The following PAK5 variants were observed in gnomAD, a reference collection of about 807,000 sequenced individuals.
PAK5 encodes serine/threonine-protein kinase PAK 5.
Under a neutral mutation model 65.9 loss-of-function variants are expected in PAK5, and 16 were observed. The observed-to-expected ratio is 0.24, with a 90% CI of 0.16 to 0.37. The LOEUF (loss-of-function observed/expected upper bound fraction) is 0.37, where lower values mean the gene tolerates loss of function less well. Ranked by LOEUF, PAK5 falls within the 10% of genes least tolerant of loss-of-function variation. The pLI is 1.00. For synonymous variants in PAK5, 371 were observed against 354.9 expected (o/e 1.05, Z -0.51); for missense variants, 785 against 903.9 (o/e 0.87, Z 1.69).
chr20:9,677,002 G>C (rs530134991), intron 2 of PAK5, among the ~76,000 whole-genome samples: 5 of 150,976 alleles, frequency 3.3e-5, no homozygotes, highest in Non-Finnish European at 5.9e-5. Flanking sequence ...AAATAAATAT[G>C]TTTTCCTGAA....
At chr20:9,671,570 CTGTT>C (rs1185337557) in intron 2 of PAK5, among the ~76,000 whole-genome samples, 1 of 151,686 alleles carries the variant, frequency 6.6e-6, no homozygotes, top group South Asian at 2.1e-4. Context: ...ATTTGGCTCT[CTGTT>C]TGTCTGTTAT....
At chr20:9,685,855 C>G (rs1048933430) in intron 2 of PAK5, among the ~76,000 whole-genome samples, 9 of 152,170 alleles carry the variant, frequency 5.9e-5, no homozygotes, top group African/African-American at 2.2e-4. Flanking sequence ...CAATGACACC[C>G]TCTGTGTTAT....
At chr20:9,540,731 T>TA in intron 9 of PAK5, among the ~76,000 whole-genome samples, 1 of 151,806 alleles carries the variant, frequency 6.6e-6, no homozygotes, top group African/African-American at 2.4e-5. Context: ...GATACATTTT[T>TA]AGTCACTTTT....
intron 2 of PAK5, among the ~76,000 whole-genome samples, chr20:9,671,408 A>G (rs1431721848): frequency 6.6e-6 from 1 of 152,146 alleles, no homozygotes; most frequent in Non-Finnish European, 1.5e-5. Context: ...ACCCATGAGC[A>G]TAGAATGTTC....
intron 1 of PAK5, among the ~76,000 whole-genome samples, chr20:9,716,201 T>C (rs1484859368): frequency 1.3e-5 from 1 of 79,054 alleles, no homozygotes; most frequent in Non-Finnish European, 2.7e-5. Flanking sequence ...CTATTATTGC[T>C]AGGATCACTA....
rs565419960 is a variant in PAK5, at chr20:9,725,725, C to G, written c.-161-14290G>C. Reference sequence around the variant, plus strand: ...GAACACAAACTCGTCGTAGTCAGAACAAGGAAGACATTGATGAGCAACTGG... The same window carrying G: ...GAACACAAACTCGTCGTAGTCAGAAGAAGGAAGACATTGATGAGCAACTGG... On this transcript the variant is annotated intron_variant, in intron 1 of 9. Coordinates refer to ENST00000353224, the MANE Select transcript of PAK5 (RefSeq NM_177990.4). Among the ~76,000 whole-genome samples the G allele has an allele frequency of 3.3e-5, 5 of 152,134 alleles. No individual in the cohort carries two copies. In the South Asian group the frequency reaches 1.0e-3, roughly 32 times the overall value.
At chr20:9,812,826 T>C (rs1355962925) in intron 1 of PAK5, among the ~76,000 whole-genome samples, 1 of 152,168 alleles carries the variant, frequency 6.6e-6, no homozygotes, top group Non-Finnish European at 1.5e-5. Flanking sequence ...GGAATGTTCC[T>C]AATGTAAAGA....
At chr20:9,542,057 A>T (rs2045273667) in intron 9 of PAK5, among the ~76,000 whole-genome samples, 1 of 152,232 alleles carries the variant, frequency 6.6e-6, no homozygotes, top group Non-Finnish European at 1.5e-5. Flanking sequence ...GTGTAAAAAC[A>T]GACTCATACA....
At chr20:9,670,284 C>T (rs994566449) in intron 2 of PAK5, among the ~76,000 whole-genome samples, 1 of 152,096 alleles carries the variant, frequency 6.6e-6, no homozygotes, top group African/African-American at 2.4e-5. Flanking sequence ...TGGGTATATA[C>T]CCAGTAATGG....
intron 1 of PAK5, among the ~76,000 whole-genome samples, chr20:9,779,937 T>C (rs899317344): frequency 3.3e-5 from 5 of 152,060 alleles, no homozygotes; most frequent in African/African-American, 9.7e-5. Context: ...TTGTACCCCA[T>C]ATCAATTCTA....
chr20:9,698,001 C>T (rs1347016391), intron 2 of PAK5, among the ~76,000 whole-genome samples: 1 of 151,956 alleles, frequency 6.6e-6, no homozygotes, highest in Non-Finnish European at 1.5e-5. Context: ...TACTGTTTGA[C>T]CATATGATGA....
chr20:9,816,130 G>A (rs2049354106), intron 1 of PAK5, among the ~76,000 whole-genome samples: 1 of 152,106 alleles, frequency 6.6e-6, no homozygotes, highest in South Asian at 2.1e-4. Flanking sequence ...TTCAGAAAGT[G>A]GCAGTGTGGC....
intron 1 of PAK5, among the ~76,000 whole-genome samples, chr20:9,774,360 C>G (rs903388352): frequency 6.6e-6 from 1 of 152,316 alleles, no homozygotes; most frequent in African/African-American, 2.4e-5. Context: ...GAATGCCTAA[C>G]AGTGAAAACA....
chr20:9,673,856 A>G (rs2047533265), intron 2 of PAK5, among the ~76,000 whole-genome samples: 1 of 152,184 alleles, frequency 6.6e-6, no homozygotes, highest in South Asian at 2.1e-4. Flanking sequence ...TTGCCCTACC[A>G]ACCCCCAGCA....
At chr20:9,603,976 A>G (rs2046405442) in intron 3 of PAK5, among the ~76,000 whole-genome samples, 5 of 152,198 alleles carry the variant, frequency 3.3e-5, no homozygotes, top group Admixed American at 3.3e-4. Context: ...TATATTTTCA[A>G]ATTTAATCCG....
chr20:9,724,363 G>A (rs2048252026), intron 1 of PAK5, among the ~76,000 whole-genome samples: 1 of 152,082 alleles, frequency 6.6e-6, no homozygotes, highest in African/African-American at 2.4e-5. Flanking sequence ...TGTCCTCATT[G>A]ACTTGGTTTT....
chr20:9,743,025 G>T (rs1274301689), intron 1 of PAK5, among the ~76,000 whole-genome samples: 1 of 152,132 alleles, frequency 6.6e-6, no homozygotes, highest in Admixed American at 6.6e-5. Flanking sequence ...ATAGTCTGCT[G>T]GAGAATGGAC....
Position 9,580,289 on chromosome 20 carries a change from C to T in PAK5, c.846G>A (p.Met282Ile). ...CCGAGCCTGACCTGGACCTCTGCCG[C>T]ATGGTGGGCTGAGGGCTTGTCTGAT... is the stretch of plus-strand genomic sequence containing the variant. ...YLNQTSPQPT[M>I]RQRSRSGSGL... Residue 282 changes from methionine (M) to isoleucine (I), a missense_variant, in exon 4 of 10, where the codon ATG becomes ATA. Physicochemically the swap from Met to Ile is conservative, Grantham distance 10. Transcript: ENST00000353224. 6.2e-7 allele frequency: 1 copy of T among 1,614,134 alleles called. No individual in the cohort carries two copies. Among genetic ancestry groups the T allele is most frequent in the Non-Finnish European group, 8.5e-7 (1 of 1,180,006 alleles).
intron 1 of PAK5, among the ~76,000 whole-genome samples, chr20:9,825,810 A>T (rs2049477343): frequency 6.6e-6 from 1 of 152,182 alleles, no homozygotes; most frequent in Non-Finnish European, 1.5e-5. Flanking sequence ...GTTATATTTA[A>T]ATTATTAAAT....
Sources: gnomAD v4.1 joint callset for allele counts (sites outside exome capture counted in the v4.1 genomes callset) on GRCh38, gnomAD v4.1.1 for gene constraint, MANE v1.5 for transcripts, NCBI Gene and HGNC (gene_info 2026-07-23, HGNC 2026-07-21) for gene names.